MPHOSPH9: variants seen among roughly 807,000 people sequenced by gnomAD.
The protein encoded by MPHOSPH9 is M-phase phosphoprotein 9.
In MPHOSPH9, 88 loss-of-function variants were observed where a neutral mutation model predicts 145.5. That is an observed-to-expected ratio of 0.60 (90% CI 0.51 to 0.72). The LOEUF is 0.72. Ranked by LOEUF, MPHOSPH9 falls within the 30% of genes least tolerant of loss-of-function variation. The pLI, the probability that MPHOSPH9 is intolerant of heterozygous loss-of-function variation, is 0.00. For synonymous variants in MPHOSPH9, 435 were observed against 486.2 expected, an observed-to-expected ratio of 0.89 and a Z score of 1.39; for missense variants, 1,238 against 1,386.6, an observed-to-expected ratio of 0.89 and a Z score of 1.70.
At position 123,221,556 on chromosome 12, in the gene MPHOSPH9, C is replaced by A; in HGVS notation, c.688G>T (p.Val230Leu). The change falls in exon 5 of 24, where the codon GTA (valine) becomes TTA (leucine). Residue 230 changes from valine (V) to leucine (L), a missense_variant. Physicochemically the swap from Val to Leu is conservative, Grantham distance 32 (BLOSUM62 1). This residue lies in a region of MPHOSPH9 where 837 missense variants were observed against 897.5 expected (regional missense o/e 0.93). Coordinates refer to ENST00000606320, the MANE Select transcript of MPHOSPH9 (RefSeq NM_022782.4). ...EHIDVPKGQY[V>L]APAVPAESLV... ...GACTCAGCCGGCACCGCAGGTGCTA[C>A]ATACTGTCCTTTGGGAACATCTATG... 1.9e-6 allele frequency: 3 copies of A among 1,614,212 alleles called. No individual in the cohort carries two copies. The highest frequency in any genetic ancestry group is 2.5e-6 in the Non-Finnish European group (3 of 1,180,034).
chr12:123,242,577 T>G (rs1008018627), intron 1 of MPHOSPH9, among the ~76,000 whole-genome samples: 5 of 152,168 alleles, frequency 3.3e-5, no homozygotes, highest in Admixed American at 1.3e-4. Context: ...TAAAAGTGTC[T>G]AGAATTGTCT....
At chr12:123,203,567 G>A (rs760778882) in intron 8 of MPHOSPH9, among the ~76,000 whole-genome samples, 192 bp from the exon 9 acceptor site, 55 of 152,192 alleles carry the variant, frequency 3.6e-4, no homozygotes, top group Middle Eastern at 3.4e-3. Context: ...AAGATGTTTG[G>A]ATCTCCTAAC....
intron 13 of MPHOSPH9, among the ~76,000 whole-genome samples, chr12:123,184,513 C>G (rs1384699990): frequency 9.0e-6 from 1 of 110,630 alleles, no homozygotes; most frequent in Non-Finnish European, 1.9e-5. Context: ...TTTTTTTTTT[C>G]TTGAGATGGA....
intron 13 of MPHOSPH9, among the ~76,000 whole-genome samples, chr12:123,193,109 AC>A (rs2045781797): frequency 4.3e-5 from 1 of 23,250 alleles, no homozygotes; most frequent in Admixed American, 5.4e-4. Flanking sequence ...ATATATATAT[AC>A]ACACACACAC....
At chr12:123,164,142 C>T (rs773538332) in intron 18 of MPHOSPH9, 52 bp from the exon 19 acceptor site, 70 of 1,607,400 alleles carry the variant, frequency 4.4e-5, no homozygotes, top group African/African-American at 2.8e-4. Flanking sequence ...AACAAGCCTA[C>T]GCTTCAGTTA....
chr12:123,204,974 C>T (rs2695478), intron 8 of MPHOSPH9, among the ~76,000 whole-genome samples: 128,451 of 152,204 alleles, frequency 0.84, 54,589 homozygotes, highest in East Asian at 1. Flanking sequence ...GCTCTAAACA[C>T]TAAAACTTTG....
chr12:123,190,856 TA>T (rs1239506378), intron 13 of MPHOSPH9, among the ~76,000 whole-genome samples: 1 of 152,212 alleles, frequency 6.6e-6, no homozygotes, highest in African/African-American at 2.4e-5. Context: ...TTTGTTATAT[TA>T]CTCTCTATAC....
At chr12:123,235,994 G>T (rs1199718383), upstream of MPHOSPH9, among the ~76,000 whole-genome samples, 1 of 152,002 alleles carries the variant, frequency 6.6e-6, no homozygotes, top group Non-Finnish European at 1.5e-5. Flanking sequence ...AACCCGGGAG[G>T]CAAAGGTTGT....
At chr12:123,169,162 C>T (rs1248753843) in intron 16 of MPHOSPH9, among the ~76,000 whole-genome samples, 3 of 151,504 alleles carry the variant, frequency 2.0e-5, no homozygotes, top group Non-Finnish European at 2.9e-5. Context: ...GCTGGGATTA[C>T]AGGCGTGAGC....
At chr12:123,177,035 C>G (rs1245574022) in intron 15 of MPHOSPH9, among the ~76,000 whole-genome samples, 1 of 151,730 alleles carries the variant, frequency 6.6e-6, no homozygotes, top group Non-Finnish European at 1.5e-5. Context: ...ACTAAAAATA[C>G]AAAAATTAGC....
At chr12:123,175,245 G>T (rs1437485326) in intron 16 of MPHOSPH9, among the ~76,000 whole-genome samples, 1 of 151,832 alleles carries the variant, frequency 6.6e-6, no homozygotes, top group Non-Finnish European at 1.5e-5. Flanking sequence ...CCGCCTCCCG[G>T]GTTCACACCA....
chr12:123,186,858 G>C (rs2045466089), intron 13 of MPHOSPH9, among the ~76,000 whole-genome samples: 1 of 152,218 alleles, frequency 6.6e-6, no homozygotes, highest in African/African-American at 2.4e-5. Flanking sequence ...CTACTCAGGA[G>C]GCTGAGGCAA....
intron 16 of MPHOSPH9, among the ~76,000 whole-genome samples, chr12:123,172,764 C>T (rs1183467663): frequency 3.3e-5 from 5 of 151,828 alleles, no homozygotes; most frequent in Admixed American, 2.0e-4. Context: ...AGGCTGGGGT[C>T]TGCCAACTCG....
At chr12:123,207,739 G>C (rs552568567) in intron 8 of MPHOSPH9, among the ~76,000 whole-genome samples, 2 of 152,050 alleles carry the variant, frequency 1.3e-5, no homozygotes, top group African/African-American at 2.4e-5. Context: ...TGTAATCCCA[G>C]CTACTTGGAA....
intron 7 of MPHOSPH9, 46 bp downstream of exon 7, chr12:123,214,698 G>A (rs10846484): frequency 0.012 from 17,178 of 1,421,982 alleles, 298 homozygotes; most frequent in South Asian, 0.052. Flanking sequence ...CTTCCTCTGA[G>A]TGTATGTAGT....
chr12:123,206,875 C>T (rs988879082), intron 8 of MPHOSPH9, among the ~76,000 whole-genome samples: 5 of 151,342 alleles, frequency 3.3e-5, no homozygotes, highest in African/African-American at 1.2e-4. Flanking sequence ...GATCACACCA[C>T]TGCACTCCAG....
At chr12:123,224,833 T>C (rs2047372192) in intron 3 of MPHOSPH9, among the ~76,000 whole-genome samples, 1 of 152,204 alleles carries the variant, frequency 6.6e-6, no homozygotes, top group Admixed American at 6.6e-5. Context: ...CAGAAAAGCA[T>C]GTCACCAGTG....
At chr12:123,210,619 G>A (rs1457466471) in intron 7 of MPHOSPH9, among the ~76,000 whole-genome samples, 1 of 152,016 alleles carries the variant, frequency 6.6e-6, no homozygotes, top group East Asian at 1.9e-4. Flanking sequence ...TTGAACCCAG[G>A]AGACAGAGGT....
At chr12:123,236,751 G>A (rs1219025365), upstream of MPHOSPH9, among the ~76,000 whole-genome samples, 1 of 152,094 alleles carries the variant, frequency 6.6e-6, no homozygotes, top group Non-Finnish European at 1.5e-5. Flanking sequence ...TGTTTTAATA[G>A]TGTAGTTGAT....
Sources: gnomAD v4.1 joint callset for allele counts (sites outside exome capture counted in the v4.1 genomes callset) on GRCh38, gnomAD v4.1.1 for gene constraint, gnomAD v4.1.1 regional missense constraint, MANE v1.5 for transcripts, NCBI Gene and HGNC (gene_info 2026-07-23, HGNC 2026-07-21) for gene names.